Variants in SLC12A8 observed in about 807,000 individuals in gnomAD.
SLC12A8 encodes the protein solute carrier family 12 member 8, also known as cation-chloride cotransporter 9.
SLC12A8 carries 69 observed loss-of-function variants against 75.6 expected under a neutral mutation model. The ratio of observed to expected loss-of-function variants is 0.91; its 90% confidence interval spans 0.75 to 1.11. The LOEUF (loss-of-function observed/expected upper bound fraction) is 1.11. SLC12A8 is among the 50% of genes most tolerant of loss of function. The probability of loss-of-function intolerance (pLI) is 0.00; values close to 1 mark genes in which losing one functional copy is unlikely to be tolerated. For synonymous variants in SLC12A8, 365 were observed against 372.8 expected (o/e 0.98, Z 0.24); for missense variants, 877 against 896.7 (o/e 0.98, Z 0.28).
Position 125,201,497 on chromosome 3 carries a change from G to A in SLC12A8, c.51+9802C>T, listed in dbSNP as rs78828760. ...ATTGTATTAGAAATGCATCAAAGCC[G>A]GGTGAGGTGGCTGATACCTGTAATC... is the stretch of plus-strand genomic sequence containing the variant. On this transcript the variant is annotated intron_variant, in intron 2 of 13. Coordinates refer to ENST00000469902, the MANE Select transcript of SLC12A8 (RefSeq NM_024628.6). Among the ~76,000 whole-genome samples, 1,222 of 152,178 alleles carry A rather than the reference G, an allele frequency of 8.0e-3. 10 individuals are homozygous for A. The highest frequency in any genetic ancestry group is 0.013 in the Non-Finnish European group (893 of 67,990).
intron 4 of SLC12A8, among the ~76,000 whole-genome samples, chr3:125,178,247 T>C (rs942256321): frequency 9.2e-5 from 14 of 152,076 alleles, no homozygotes; most frequent in African/African-American, 3.4e-4. Context: ...GAAAAGACTA[T>C]GGGAGGAAGA....
chr3:125,086,786 A>C (rs1410667321), intron 13 of SLC12A8, among the ~76,000 whole-genome samples: 1 of 152,218 alleles, frequency 6.6e-6, no homozygotes, highest in Non-Finnish European at 1.5e-5. Flanking sequence ...CCAAGTAAGC[A>C]GATGACAGGG....
At chr3:125,210,733 T>C (rs1935320539) in intron 2 of SLC12A8, among the ~76,000 whole-genome samples, 1 of 152,194 alleles carries the variant, frequency 6.6e-6, no homozygotes. Context: ...ACATAGTTTC[T>C]GGATAAACAC....
At chr3:125,121,452 C>A (rs773029652) in intron 6 of SLC12A8, among the ~76,000 whole-genome samples, 3 of 152,118 alleles carry the variant, frequency 2.0e-5, no homozygotes, top group Non-Finnish European at 4.4e-5. Context: ...AGGAAAGACC[C>A]GTGGAGGGGG....
chr3:125,191,499 G>T (rs1560081807), intron 2 of SLC12A8, among the ~76,000 whole-genome samples: 1 of 140,516 alleles, frequency 7.1e-6, no homozygotes. Flanking sequence ...GGGTGGGTGG[G>T]GAGAGAGAGG....
At chr3:125,087,093 C>CT (rs369422119) in intron 13 of SLC12A8, among the ~76,000 whole-genome samples, 2,785 of 131,230 alleles carry the variant, frequency 0.021, 70 homozygotes, top group African/African-American at 0.054. Context: ...ATGTATTTCA[C>CT]TTTTTTTTTT....
intron 5 of SLC12A8, among the ~76,000 whole-genome samples, chr3:125,142,159 G>T (rs992868809): frequency 1.1e-4 from 17 of 152,208 alleles, no homozygotes; most frequent in Admixed American, 5.2e-4. Context: ...GAAACTGCCT[G>T]ACCCAGGGGG....
At chr3:125,100,742 G>A (rs568739863) in intron 10 of SLC12A8, among the ~76,000 whole-genome samples, 6 of 150,208 alleles carry the variant, frequency 4.0e-5, no homozygotes, top group Admixed American at 2.6e-4. Flanking sequence ...GGCCGGGCGC[G>A]GTGGCTCACG....
At chr3:125,114,903 A>G (rs1227850553) in intron 8 of SLC12A8, among the ~76,000 whole-genome samples, 1 of 152,172 alleles carries the variant, frequency 6.6e-6, no homozygotes, top group Non-Finnish European at 1.5e-5. Context: ...TTTCACCCCA[A>G]CTAACACTGT....
chr3:125,119,970 C>T (rs1216151637), intron 7 of SLC12A8: 5 of 453,418 alleles, frequency 1.1e-5, no homozygotes, highest in African/African-American at 2.0e-5. Flanking sequence ...GTGGGTGGCA[C>T]AGTGTGAACT....
intron 4 of SLC12A8, among the ~76,000 whole-genome samples, chr3:125,185,246 G>C (rs1934749246): frequency 6.6e-6 from 1 of 152,084 alleles, no homozygotes; most frequent in South Asian, 2.1e-4. Context: ...CTTGAACCCA[G>C]GAGGTGGAGA....
chr3:125,144,339 C>T (rs1192114235), intron 5 of SLC12A8, among the ~76,000 whole-genome samples: 3 of 152,278 alleles, frequency 2.0e-5, no homozygotes, highest in Non-Finnish European at 2.9e-5. Context: ...GGGATTCAAA[C>T]GTTGTGCTGC....
At position 125,135,719 on chromosome 3, in the gene SLC12A8, G is replaced by A. The variant is rs371758667; in HGVS notation, c.686C>T (p.Pro229Leu). ...LQNNTLPDYS[P>L]GESFFTVFGV... Reference sequence around the variant, plus strand: ...AAAGACAGTGAAAAAAGATTCCCCCGGGCTGTAATCGGGCAGCGTGTTGTT... The same window carrying A: ...AAAGACAGTGAAAAAAGATTCCCCCAGGCTGTAATCGGGCAGCGTGTTGTT... Residue 229 changes from proline (P) to leucine (L), a missense_variant, in exon 6 of 14, where the codon CCG becomes CTG. Pro to Leu is a moderately conservative substitution (Grantham distance 98). Coordinates refer to ENST00000469902, the MANE Select transcript of SLC12A8 (RefSeq NM_024628.6). The A allele has an allele frequency of 2.9e-5, 46 of 1,610,186 alleles. 1 individual carries two copies. Among genetic ancestry groups the A allele is most frequent in the African/African-American group, 4.0e-5 (3 of 74,832 alleles).
chr3:125,127,378 AG>A (rs1933233432), intron 6 of SLC12A8, among the ~76,000 whole-genome samples: 1 of 152,204 alleles, frequency 6.6e-6, no homozygotes, highest in Non-Finnish European at 1.5e-5. Context: ...CTTCTGGATG[AG>A]GGGCGGCACC....
intron 6 of SLC12A8, among the ~76,000 whole-genome samples, chr3:125,132,274 G>A (rs2107758840): frequency 6.6e-6 from 1 of 152,330 alleles, no homozygotes; most frequent in Admixed American, 6.5e-5. Context: ...AAAAATGAAA[G>A]CGACGCACTA....
intron 5 of SLC12A8, among the ~76,000 whole-genome samples, chr3:125,170,970 C>T (rs888888571): frequency 6.6e-6 from 1 of 152,052 alleles, no homozygotes; most frequent in Admixed American, 6.6e-5. Flanking sequence ...TGCCGATCTC[C>T]CTCTGGGGAG....
At chr3:125,105,133 A>T (rs1014563097) in intron 10 of SLC12A8, among the ~76,000 whole-genome samples, 1 of 152,172 alleles carries the variant, frequency 6.6e-6, no homozygotes, top group African/African-American at 2.4e-5. Context: ...CCAGAAAAAA[A>T]CAACAAATAA....
chr3:125,141,860 C>G (rs541070459), intron 5 of SLC12A8, among the ~76,000 whole-genome samples: 1 of 151,592 alleles, frequency 6.6e-6, no homozygotes, highest in Non-Finnish European at 1.5e-5. Context: ...GGGCTCCGGA[C>G]GGAGCTAGGA....
chr3:125,208,777 CACACACACACACACAGAGAG>C (rs1228028713), intron 2 of SLC12A8, among the ~76,000 whole-genome samples: 3 of 124,320 alleles, frequency 2.4e-5, no homozygotes, highest in Non-Finnish European at 1.8e-5. Flanking sequence ...CACACACACA[CACACACACACACACAGAGAG>C]AGAGAGAGAG....
Sources: gnomAD v4.1 joint callset for allele counts (sites outside exome capture counted in the v4.1 genomes callset) on GRCh38, gnomAD v4.1.1 for gene constraint, MANE v1.5 for transcripts, NCBI Gene and HGNC (gene_info 2026-07-23, HGNC 2026-07-21) for gene names.